POU2F2: variants seen among roughly 807,000 people sequenced by gnomAD.
POU2F2 encodes the protein POU class 2 homeobox 2.
In POU2F2, 14 loss-of-function variants were observed where a neutral mutation model predicts 63.5. That is an observed-to-expected ratio of 0.22 (90% CI 0.15 to 0.34). The LOEUF (loss-of-function observed/expected upper bound fraction) is 0.34. Ranked by LOEUF, POU2F2 falls within the 10% of genes least tolerant of loss-of-function variation. The probability of loss-of-function intolerance (pLI) is 1.00; values close to 1 mark genes in which losing one functional copy is unlikely to be tolerated. For missense variants in POU2F2, 607 were observed against 815.2 expected, an observed-to-expected ratio of 0.74 and a Z score of 3.11; for synonymous variants, 306 against 348.6, an observed-to-expected ratio of 0.88 and a Z score of 1.36.
In POU2F2 at chr19:42,140,247, C is replaced by T. The variant is rs1226056641; in HGVS notation, c.-8-17671G>A. 2.0e-5 allele frequency among the ~76,000 whole-genome samples: 3 copies of T among 152,340 alleles called. No individual in the cohort carries two copies. In the East Asian group the frequency reaches 5.8e-4, roughly 29 times the overall value. On this transcript the variant is annotated intron_variant, in intron 2 of 6. Transcript: ENST00000524801. Reference sequence around the variant, plus strand: ...CTGCCCCCAGGCTTTCCACAGCCCACATGCGCACTTCCTGTTCTCTAGCTC... The same window carrying T: ...CTGCCCCCAGGCTTTCCACAGCCCATATGCGCACTTCCTGTTCTCTAGCTC...
intron 1 of POU2F2, among the ~76,000 whole-genome samples, chr19:42,167,695 G>C (rs774205300): frequency 6.6e-5 from 10 of 152,200 alleles, no homozygotes; most frequent in Admixed American, 2.6e-4. Flanking sequence ...TGCAAGCCAA[G>C]AAAGATGTTC....
At chr19:42,132,640 C>A (rs752007918), upstream of POU2F2, 50 of 410,198 alleles carry the variant, frequency 1.2e-4, no homozygotes, top group Non-Finnish European at 1.9e-4. Flanking sequence ...GATAAGCAGG[C>A]TGGAAGAGCC....
chr19:42,110,823 G>T (rs2030970788), intron 5 of POU2F2: 1 of 445,340 alleles, frequency 2.2e-6, no homozygotes, highest in African/African-American at 2.0e-5. Context: ...CACTTAATTG[G>T]TCCTTCATAA....
At chr19:42,109,562 A>G (rs2030733298) in intron 5 of POU2F2, among the ~76,000 whole-genome samples, 1 of 152,232 alleles carries the variant, frequency 6.6e-6, no homozygotes, top group African/African-American at 2.4e-5. Context: ...ACAGGAATAC[A>G]TTCTGGTGTT....
chr19:42,174,569 A>AC (rs540288454), intron 1 of POU2F2, among the ~76,000 whole-genome samples: 1 of 150,646 alleles, frequency 6.6e-6, no homozygotes, highest in South Asian at 2.1e-4. Flanking sequence ...CCAGTACCCA[A>AC]CCCCCCACTG....
At chr19:42,186,908 G>A (rs773516863) in intron 1 of POU2F2, among the ~76,000 whole-genome samples, 3 of 152,116 alleles carry the variant, frequency 2.0e-5, no homozygotes, top group Admixed American at 6.5e-5. Flanking sequence ...ATTCGACAAA[G>A]TTCTTTCTTG....
intron 1 of POU2F2, among the ~76,000 whole-genome samples, chr19:42,175,107 T>C (rs1253646023): frequency 2.0e-5 from 3 of 152,122 alleles, no homozygotes; most frequent in Non-Finnish European, 4.4e-5. Context: ...CCCTTCTCAG[T>C]GGGGCTGAGT....
chr19:42,104,446 A>G (rs1450467585), intron 5 of POU2F2, among the ~76,000 whole-genome samples: 1 of 151,898 alleles, frequency 6.6e-6, no homozygotes, highest in Non-Finnish European at 1.5e-5. Flanking sequence ...CTGGCAAAAG[A>G]GTAGAAGGTA....
At position 42,164,486 on chromosome 19, in the gene POU2F2, G is replaced by A. The variant is rs527441392; in HGVS notation, c.-69-4094C>T. 6.6e-5 allele frequency among the ~76,000 whole-genome samples: 10 copies of A among 150,928 alleles called. No homozygotes were observed. In the South Asian group the frequency reaches 1.5e-3, roughly 22 times the overall value. On this transcript the variant is annotated intron_variant, in intron 1 of 6. Transcript: ENST00000524801. Reference sequence around the variant, plus strand: ...CTTGGGAGGCTGAGGCAGGAGAATCGCTTGAACCTGGGAGGCAGAGGTTGC... The same window carrying A: ...CTTGGGAGGCTGAGGCAGGAGAATCACTTGAACCTGGGAGGCAGAGGTTGC...
intron 1 of POU2F2, chr19:42,123,179 C>G (rs2032848803): frequency 6.6e-6 from 1 of 152,624 alleles, no homozygotes; most frequent in Non-Finnish European, 1.5e-5. Context: ...CTATGTTTAG[C>G]ACACCGGCCT....
upstream of POU2F2, chr19:42,177,231 G>A: frequency 6.4e-6 from 1 of 155,216 alleles, no homozygotes; most frequent in Non-Finnish European, 1.4e-5. Context: ...CCGAGGAGGA[G>A]CCGCCGCCGC....
chr19:42,128,021 G>A (rs2033362293), intron 1 of POU2F2, among the ~76,000 whole-genome samples: 1 of 151,910 alleles, frequency 6.6e-6, no homozygotes, highest in African/African-American at 2.4e-5. Context: ...CAGCTCAAAT[G>A]TCACCTCCTC....
At chr19:42,149,778 C>T (rs1314475416) in intron 2 of POU2F2, among the ~76,000 whole-genome samples, 1 of 152,198 alleles carries the variant, frequency 6.6e-6, no homozygotes, top group Non-Finnish European at 1.5e-5. Context: ...TCCCAACACC[C>T]TCTCCCCTGC....
chr19:42,101,612 A>G (rs1377634883), intron 5 of POU2F2, among the ~76,000 whole-genome samples: 1 of 152,154 alleles, frequency 6.6e-6, no homozygotes, highest in Non-Finnish European at 1.5e-5. Context: ...CTGTGAGGCA[A>G]TATATTTACC....
In POU2F2 at chr19:42,096,862, G is replaced by A. The variant is rs1465633467; in HGVS notation, c.568-619C>T. ...TACCACTCTGGTTGGGGATGTAGATGATGCAGGAAGCTGTGCATGTGTAGG... is the reference window on the plus strand; with the variant it reads ...TACCACTCTGGTTGGGGATGTAGATAATGCAGGAAGCTGTGCATGTGTAGG... On this transcript the variant is annotated intron_variant, in intron 7 of 14. Coordinates refer to ENST00000692977, the MANE Select transcript of POU2F2 (RefSeq NM_001394376.1). The surrounding 1 kb of genome is among the most constrained non-coding windows in gnomAD (Gnocchi z 4.1). Among the ~76,000 whole-genome samples the A allele has an allele frequency of 6.6e-6, 1 of 152,216 alleles. No individual in the cohort carries two copies. Among genetic ancestry groups the A allele is most frequent in the African/African-American group, 2.4e-5 (1 of 41,454 alleles).
intron 2 of POU2F2, among the ~76,000 whole-genome samples, chr19:42,159,077 A>G (rs946755081): frequency 6.6e-6 from 1 of 152,232 alleles, no homozygotes; most frequent in Non-Finnish European, 1.5e-5. Flanking sequence ...GAGAAGCTCT[A>G]TACTGTTGTG....
chr19:42,129,851 G>A (rs2033546546), intron 1 of POU2F2, among the ~76,000 whole-genome samples: 1 of 152,194 alleles, frequency 6.6e-6, no homozygotes, highest in Admixed American at 6.5e-5. Context: ...AAGAGAGGTG[G>A]CCCCACAGCT....
chr19:42,145,008 G>A (rs1485287957), intron 2 of POU2F2, among the ~76,000 whole-genome samples: 6 of 152,222 alleles, frequency 3.9e-5, no homozygotes, highest in African/African-American at 1.4e-4. Flanking sequence ...CCCAGCTGTG[G>A]GGCTAGGTGT....
At chr19:42,163,216 TG>T (rs2034585687) in intron 1 of POU2F2, among the ~76,000 whole-genome samples, 1 of 151,976 alleles carries the variant, frequency 6.6e-6, no homozygotes, top group Non-Finnish European at 1.5e-5. Context: ...CAAAGGGCCA[TG>T]GGGCTCCCGG....
Sources: gnomAD v4.1 joint callset for allele counts (sites outside exome capture counted in the v4.1 genomes callset) on GRCh38, gnomAD v4.1.1 for gene constraint, Gnocchi (gnomAD v3.1) non-coding constraint, MANE v1.5 for transcripts, NCBI Gene and HGNC (gene_info 2026-07-23, HGNC 2026-07-21) for gene names.